Variants in EYS observed in about 807,000 individuals in gnomAD.
EYS encodes the protein EGF-like photoreceptor maintenance factor.
EYS carries 250 observed loss-of-function variants against 282.1 expected under a neutral mutation model. The observed-to-expected ratio is 0.89, with a 90% CI of 0.80 to 0.98. The LOEUF (loss-of-function observed/expected upper bound fraction) is 0.98. EYS is among the 50% of genes least tolerant of loss of function. EYS has a pLI of 0.00. For synonymous variants in EYS, 1,355 were observed against 1,282.9 expected (o/e 1.06, Z -1.20); for missense variants, 4,016 against 3,709.0 (o/e 1.08, Z -2.15).
intron 31 of EYS, among the ~76,000 whole-genome samples, chr6:64,131,044 T>C (rs940004542): frequency 6.6e-6 from 1 of 152,046 alleles, no homozygotes; most frequent in African/African-American, 2.4e-5. Flanking sequence ...ATTTTTGTAT[T>C]TTTAGTAGAG....
chr6:64,093,324 A>G (rs1452945864), intron 31 of EYS, among the ~76,000 whole-genome samples: 1 of 152,110 alleles, frequency 6.6e-6, no homozygotes, highest in African/African-American at 2.4e-5. Context: ...GATGGCATTG[A>G]ATCTATAAAT....
At chr6:64,370,632 T>C (rs1349253676) in intron 29 of EYS, among the ~76,000 whole-genome samples, 1 of 152,158 alleles carries the variant, frequency 6.6e-6, no homozygotes, top group East Asian at 1.9e-4. Flanking sequence ...AGAATTTGGC[T>C]GTAAATTCAT....
chr6:65,242,050 A>G (rs547550103), intron 12 of EYS, among the ~76,000 whole-genome samples: 17 of 152,260 alleles, frequency 1.1e-4, no homozygotes, highest in African/African-American at 3.8e-4. Flanking sequence ...TGAACATTTA[A>G]TTTGATTACC....
intron 35 of EYS, among the ~76,000 whole-genome samples, chr6:63,983,976 C>T (rs930393594): frequency 4.0e-5 from 6 of 151,420 alleles, no homozygotes; most frequent in Admixed American, 3.9e-4. Context: ...TAAGCAGATT[C>T]TTTTTTGGCA....
At chr6:64,659,310 A>T (rs558938078) in intron 22 of EYS, among the ~76,000 whole-genome samples, 1 of 152,310 alleles carries the variant, frequency 6.6e-6, no homozygotes, top group African/African-American at 2.4e-5. Flanking sequence ...ACACCCTAAC[A>T]TCACAATTAA....
intron 35 of EYS, among the ~76,000 whole-genome samples, chr6:63,953,220 C>G (rs368151875): frequency 2.0e-5 from 3 of 152,206 alleles, no homozygotes; most frequent in South Asian, 4.1e-4. Context: ...GTCCCAGCAG[C>G]TTACCTGGGC....
chr6:64,413,168 T>G (rs1773956511), intron 28 of EYS, among the ~76,000 whole-genome samples: 2 of 152,068 alleles, frequency 1.3e-5, no homozygotes, highest in African/African-American at 4.8e-5. Context: ...GATTAGATAT[T>G]TATCCCCTCT....
At position 64,703,410 on chromosome 6, in the gene EYS, C is replaced by CACACACACACACATAT. The variant is rs1447947508; in HGVS notation, c.3444-77166_3444-77165insATATGTGTGTGTGTGT. On this transcript the variant is annotated intron_variant, in intron 22 of 42. Coordinates refer to ENST00000503581, the MANE Select transcript of EYS (RefSeq NM_001142800.2). ...ACACACACACACACACACACACACA[C>CACACACACACACATAT]ATATATATATATATATATATTTTTT... Among the ~76,000 whole-genome samples the CACACACACACACATAT allele has an allele frequency of 4.7e-4, 24 of 51,526 alleles. 1 individual carries two copies. The highest frequency in any genetic ancestry group is 7.5e-4 in the Admixed American group (3 of 3,986). 33.8% of individuals were successfully genotyped at this position (51,526 alleles called of 152,430 possible).
chr6:64,230,906 T>A, intron 30 of EYS, 82 bp from the exon 31 acceptor site: 2 of 829,074 alleles, frequency 2.4e-6, no homozygotes, highest in Non-Finnish European at 3.7e-6. Context: ...AAATTTGATT[T>A]AATATAAGAG....
At chr6:64,376,484 A>G (rs1772564600) in intron 29 of EYS, among the ~76,000 whole-genome samples, 1 of 152,236 alleles carries the variant, frequency 6.6e-6, no homozygotes, top group Admixed American at 6.5e-5. Context: ...CGGTGACATA[A>G]TATCTTAGAA....
chr6:65,122,173 A>C (rs974717484), intron 12 of EYS, among the ~76,000 whole-genome samples: 1 of 152,190 alleles, frequency 6.6e-6, no homozygotes, highest in Non-Finnish European at 1.5e-5. Context: ...TGTTTTAACA[A>C]GTAAAACATT....
At chr6:64,064,076 A>C (rs1041029710) in intron 33 of EYS, among the ~76,000 whole-genome samples, 1 of 152,132 alleles carries the variant, frequency 6.6e-6, no homozygotes, top group Non-Finnish European at 1.5e-5. Context: ...ATTCATTTTT[A>C]AAGCTCTTTG....
chr6:64,837,273 T>C (rs915911285), intron 19 of EYS, among the ~76,000 whole-genome samples: 9 of 151,606 alleles, frequency 5.9e-5, no homozygotes, highest in African/African-American at 2.2e-4. Flanking sequence ...CACTTGATAT[T>C]TGACATCTCT....
In EYS at chr6:65,136,987, A is replaced by C. The variant is rs143454615; in HGVS notation, c.2024-79260T>G. 3.4e-3 allele frequency among the ~76,000 whole-genome samples: 512 copies of C among 152,154 alleles called. 2 individuals are homozygous for C. The highest frequency in any genetic ancestry group is 0.012 in the African/African-American group (487 of 41,536). On this transcript the variant is annotated intron_variant, in intron 12 of 42. Transcript: ENST00000503581. ...GTGAGCCACTGCACCCAGCCAATTT[A>C]TTTCTTTTTTAATTCAAAAACTTTT...
intron 26 of EYS, among the ~76,000 whole-genome samples, chr6:64,516,006 A>T (rs775184170): frequency 1.3e-5 from 2 of 151,776 alleles, no homozygotes; most frequent in Non-Finnish European, 2.9e-5. Context: ...TTTAAAAGTC[A>T]CCTAAGATGT....
intron 30 of EYS, among the ~76,000 whole-genome samples, chr6:64,306,150 C>T (rs1769437052): frequency 6.6e-6 from 1 of 151,950 alleles, no homozygotes; most frequent in South Asian, 2.1e-4. Flanking sequence ...TAGGGAAATG[C>T]AAATCAAAAC....
At chr6:63,787,818 A>G (rs1770405051) in intron 39 of EYS, among the ~76,000 whole-genome samples, 1 of 152,162 alleles carries the variant, frequency 6.6e-6, no homozygotes, top group African/African-American at 2.4e-5. Flanking sequence ...GCATGCCTGT[A>G]ATCCCAGCTA....
chr6:64,488,989 TCTTA>T (rs1406576465), intron 26 of EYS, among the ~76,000 whole-genome samples: 9 of 150,962 alleles, frequency 6.0e-5, no homozygotes, highest in African/African-American at 1.9e-4. Context: ...ATACTTTGTT[TCTTA>T]CTTAGCACAG....
At chr6:65,259,360 C>G (rs1767557410) in intron 12 of EYS, among the ~76,000 whole-genome samples, 1 of 152,066 alleles carries the variant, frequency 6.6e-6, no homozygotes, top group East Asian at 1.9e-4. Context: ...GAGATTCCTG[C>G]AGTTTTGCAG....
Sources: gnomAD v4.1 joint callset for allele counts (sites outside exome capture counted in the v4.1 genomes callset) on GRCh38, gnomAD v4.1.1 for gene constraint, MANE v1.5 for transcripts, NCBI Gene and HGNC (gene_info 2026-07-23, HGNC 2026-07-21) for gene names.